The following PRKDC variants were observed in gnomAD, a reference collection of about 807,000 sequenced individuals.
PRKDC encodes the protein DNA-dependent protein kinase catalytic subunit.
A neutral mutation model predicts 486.9 loss-of-function variants in PRKDC; 82 were observed. The ratio of observed to expected loss-of-function variants is 0.17; its 90% CI spans 0.14 to 0.20. PRKDC has a LOEUF of 0.20. PRKDC is among the 10% of genes least tolerant of loss of function. The probability of loss-of-function intolerance (pLI) is 1.00; values close to 1 mark genes in which losing one functional copy is unlikely to be tolerated. For synonymous variants in PRKDC, 1,895 were observed against 1,837.0 expected (o/e 1.03, Z -0.81); for missense variants, 4,504 against 5,038.2 (o/e 0.89, Z 3.21).
intron 25 of PRKDC, among the ~76,000 whole-genome samples, chr8:47,909,786 G>C (rs2089862116): frequency 6.6e-6 from 1 of 152,094 alleles, no homozygotes; most frequent in Non-Finnish European, 1.5e-5. Flanking sequence ...CTGAAATATG[G>C]CCTTGTCTCC....
rs1589704069 is a variant in PRKDC, at chr8:47,799,356, T to C, written c.10151A>G (p.His3384Arg). ...AGCCGCCTGCACAGCCTCAGAGAGG[T>C]GCTGGAATGCTCTCTGGTACAGACC... ...IAGLYQRAFQ[H>R]LSEAVQAAEE... Residue 3384 changes from histidine to arginine, a missense_variant, in exon 72 of 86, where the codon CAC (histidine) becomes CGC (arginine). His to Arg is a conservative substitution (Grantham distance 29, BLOSUM62 0). Coordinates refer to ENST00000314191, the MANE Select transcript of PRKDC (RefSeq NM_006904.7). 1.2e-6 allele frequency: 2 copies of C among 1,605,190 alleles called. No homozygotes were observed. Among genetic ancestry groups the C allele is most frequent in the African/African-American group, 1.3e-5 (1 of 74,616 alleles).
intron 43 of PRKDC, 112 bp from the exon 44 acceptor site, chr8:47,862,239 A>T: frequency 7.5e-7 from 1 of 1,339,648 alleles, no homozygotes; most frequent in Non-Finnish European, 1.0e-6. Flanking sequence ...CTCCAGCTTT[A>T]AATATACCTA....
intron 52 of PRKDC, among the ~76,000 whole-genome samples, chr8:47,851,504 T>G (rs1407578532): frequency 6.6e-6 from 1 of 152,202 alleles, no homozygotes; most frequent in Non-Finnish European, 1.5e-5. Flanking sequence ...AAGGGTCCAA[T>G]CACAGCACTG....
At chr8:47,817,245 C>T (rs968453065) in intron 68 of PRKDC, among the ~76,000 whole-genome samples, 1 of 152,148 alleles carries the variant, frequency 6.6e-6, no homozygotes, top group Non-Finnish European at 1.5e-5. Flanking sequence ...CTCCCGACAG[C>T]AGCGTCCCCA....
At chr8:47,881,782 C>T in intron 37 of PRKDC, 130 bp downstream of exon 37, 2 of 808,970 alleles carry the variant, frequency 2.5e-6, no homozygotes, top group Non-Finnish European at 3.7e-6. Context: ...ATATAAGCAA[C>T]CATCCTGTCA....
Position 47,930,141 on chromosome 8 carries a change from A to C in PRKDC, c.1893-129T>G, listed in dbSNP as rs542221220. 29 of 749,816 alleles carry C rather than the reference A, an allele frequency of 3.9e-5. No homozygotes were observed. The African/African-American group carries it at 4.8e-4, about 12-fold the overall frequency. The allele number at this position is 749,816 out of a possible 1,614,324, so 46.4% of individuals were successfully genotyped here. A position where few individuals can be genotyped will look rare whatever the true frequency, so the allele number is the denominator to read the frequency against. On this transcript the variant is annotated intron_variant, in intron 17 of 85. Transcript: ENST00000314191. ...CATTTTGAGGTATCCTAAAATGTTT[A>C]GTTATATCTATAATCCATTTTTCTC...
chr8:47,901,388 C>T (rs1467270175), intron 27 of PRKDC, among the ~76,000 whole-genome samples: 2 of 151,332 alleles, frequency 1.3e-5, no homozygotes, highest in Non-Finnish European at 2.9e-5. Context: ...GCAGGCAAAT[C>T]GCTTGAACCT....
At chr8:47,930,085 C>T (rs1158751777) in intron 17 of PRKDC, 73 bp from the exon 18 acceptor site, 35 of 1,317,624 alleles carry the variant, frequency 2.7e-5, no homozygotes, top group South Asian at 9.5e-5. Flanking sequence ...GGGACATAAT[C>T]GAACAACTAA....
chr8:47,898,610 T>C (rs545375706), intron 28 of PRKDC, 41 bp from the exon 29 acceptor site: 4 of 1,144,692 alleles, frequency 3.5e-6, no homozygotes, highest in East Asian at 6.1e-5. Flanking sequence ...AGAAGGCATA[T>C]ATAGCTGATT....
At chr8:47,821,156 G>A (rs1219005205) in intron 65 of PRKDC, among the ~76,000 whole-genome samples, 2 of 152,070 alleles carry the variant, frequency 1.3e-5, no homozygotes, top group Non-Finnish European at 2.9e-5. Flanking sequence ...ATAGGAACAC[G>A]TTCTACAAAA....
rs1475128423 is a variant in PRKDC, at chr8:47,879,623, G to A, written c.5103C>T (p.Ser1701=). ...QAVTLLPFFT[S]LTGGSLEELR... ...GTTCCTCCAGACTGCCTCCAGTGAGGCTGGTGAAGAATGGAAGAAGAGTGA... is the reference window on the plus strand; with the variant it reads ...GTTCCTCCAGACTGCCTCCAGTGAGACTGGTGAAGAATGGAAGAAGAGTGA... Residue 1701 remains serine (S), a synonymous_variant, in exon 39 of 86, where the codon AGC becomes AGT. Coordinates refer to ENST00000314191, the MANE Select transcript of PRKDC (RefSeq NM_006904.7). 2 of 1,588,656 alleles carry A rather than the reference G, an allele frequency of 1.3e-6. No individual in the cohort carries two copies. The highest frequency in any genetic ancestry group is 1.7e-6 in the Non-Finnish European group (2 of 1,169,158).
Position 47,933,068 on chromosome 8 carries a change from A to C in PRKDC, c.1728T>G (p.Val576=), listed in dbSNP as rs369983299. 1.2e-4 allele frequency: 195 copies of C among 1,596,902 alleles called. No homozygotes were observed. The African/African-American group carries it at 2.5e-3, about 20-fold the overall frequency. Residue 576 remains valine (V), a synonymous_variant, in exon 16 of 86, where the codon GTT becomes GTG. Transcript: ENST00000314191. The part of the protein sequence containing the change: ...DEFVKSVLKI[V]EKLDLTLEIQ... ...TTTCAAGTGTAAGATCCAATTTCTCAACAATCTTCAAAACGGATTTTACAA... is the reference window on the plus strand; with the variant it reads ...TTTCAAGTGTAAGATCCAATTTCTCCACAATCTTCAAAACGGATTTTACAA...
chr8:47,930,759 A>T lies in PRKDC; in HGVS notation c.1805T>A (p.Met602Lys), dbSNP rs1334566264. 6.3e-7 allele frequency: 1 copy of T among 1,587,892 alleles called. No individual in the cohort carries two copies. The highest frequency in any genetic ancestry group is 8.6e-7 in the Non-Finnish European group (1 of 1,167,090). Residue 602 changes from methionine (M) to lysine (K), a missense_variant, in exon 17 of 86, where the codon ATG becomes AAG. Physicochemically the swap from Met to Lys is moderately conservative, Grantham distance 95. Transcript: ENST00000314191. ...ENGDEAPGVW[M>K]IPTSDPAANL... The stretch of plus-strand genomic sequence containing the variant: ...AGCCGCTGGATCTGAAGTTGGGATC[A>T]TCCAAACACCAGGCGCCTCATCTCC...
At chr8:47,855,395 G>A (rs1291037783) in intron 49 of PRKDC, 22 bp from the exon 50 acceptor site, 2 of 1,560,112 alleles carry the variant, frequency 1.3e-6, no homozygotes, top group South Asian at 1.2e-5. Flanking sequence ...CAGAAATTCT[G>A]TATTAATATG....
chr8:47,958,342 G>A (rs1394058148), intron 1 of PRKDC, among the ~76,000 whole-genome samples: 1 of 152,172 alleles, frequency 6.6e-6, no homozygotes, highest in African/African-American at 2.4e-5. Flanking sequence ...AGAGCCTTCA[G>A]AAAGAAAGCA....
rs1255595740 is a variant in PRKDC, at chr8:47,862,120, A to C, written c.5927T>G (p.Leu1976Arg). The C allele has an allele frequency of 3.9e-6, 6 of 1,550,278 alleles. No homozygotes were observed. Among genetic ancestry groups the C allele is most frequent in the Non-Finnish European group, 5.2e-6 (6 of 1,145,336 alleles). The change falls in exon 44 of 86, where the codon CTT (leucine) becomes CGT (arginine). Residue 1976 changes from leucine (L) to arginine (R), a missense_variant. Around this residue, in one of 6 missense-constraint regions of PRKDC, gnomAD observed 1,592 missense variants for 1,724.6 expected, o/e 0.92. Transcript: ENST00000314191. ...CAGGTCGATCAGATTTTCAAAAATA[A>C]GCAAGTTCTGTGAATACAAAGAATC... ...LFSEKPEKNL[L>R]IFENLIDLKR...
At chr8:47,868,708 C>G (rs964600568) in intron 40 of PRKDC, among the ~76,000 whole-genome samples, 1 of 151,986 alleles carries the variant, frequency 6.6e-6, no homozygotes, top group Non-Finnish European at 1.5e-5. Context: ...TCATAAGAAC[C>G]AAAAATCAGG....
Position 47,912,544 on chromosome 8 carries a change from A to G in PRKDC, c.2800T>C (p.Leu934=). The change falls in exon 25 of 86, where the codon TTA becomes CTA. Residue 934 remains leucine (L), a synonymous_variant. Transcript: ENST00000314191. ...RQTKVAACEL[L]HSMVMFMLGK... is the part of the protein sequence containing the mutation. Reference sequence around the variant, plus strand: ...AACATAAACATAACCATGCTATGTAAAAGTTCACAGGCTGCAACCTAAAAC... The same window carrying G: ...AACATAAACATAACCATGCTATGTAGAAGTTCACAGGCTGCAACCTAAAAC... 6.2e-7 allele frequency: 1 copy of G among 1,611,782 alleles called. No individual in the cohort carries two copies. Among genetic ancestry groups the G allele is most frequent in the South Asian group, 1.1e-5 (1 of 90,694 alleles).
At chr8:47,803,601 C>G (rs932945807) in intron 69 of PRKDC, 121 bp from the exon 70 acceptor site, 1 of 832,984 alleles carries the variant, frequency 1.2e-6, no homozygotes, top group East Asian at 2.4e-5. Flanking sequence ...GAATCCATTT[C>G]TTTAGCTTCA....
Sources: allele counts gnomAD v4.1 joint callset (sites outside exome capture counted in the v4.1 genomes callset), GRCh38; gene constraint gnomAD v4.1.1; regional missense constraint gnomAD v4.1.1; transcripts MANE v1.5; gene names NCBI Gene and HGNC (gene_info 2026-07-23, HGNC 2026-07-21).